The following SAFB variants were observed in gnomAD, a reference collection of about 807,000 sequenced individuals.
The protein encoded by SAFB is scaffold attachment factor B1.
Under a neutral mutation model 101.6 loss-of-function variants are expected in SAFB, and 15 were observed. The ratio of observed to expected loss-of-function variants is 0.15; its 90% confidence interval spans 0.10 to 0.23. The LOEUF (loss-of-function observed/expected upper bound fraction) is 0.23, where lower values mean the gene tolerates loss of function less well. SAFB is among the 10% of genes least tolerant of loss of function. The pLI is 1.00. For synonymous variants in SAFB, 449 were observed against 407.5 expected (o/e 1.10, Z -1.23); for missense variants, 930 against 1,104.1 (o/e 0.84, Z 2.23).
intron 4 of SAFB, among the ~76,000 whole-genome samples, chr19:5,643,256 G>A (rs1378434651): frequency 6.6e-6 from 1 of 151,722 alleles, no homozygotes; most frequent in Non-Finnish European, 1.5e-5. Context: ...TTGGCTCGTG[G>A]GGGGCCCTGT....
chr19:5,668,214 G>A lies in SAFB; in HGVS notation c.2677G>A (p.Gly893Ser), dbSNP rs1037164795. Residue 893 changes from glycine to serine, a missense_variant, in exon 21 of 21, where the codon GGT (glycine) becomes AGT (serine). Coordinates refer to ENST00000588852, the MANE Select transcript of SAFB (RefSeq NM_001201338.2). Reference protein sequence around the residue: ...GASRGHPIPHGGMQGGFGGQS... With the variant: ...GASRGHPIPHSGMQGGFGGQS... ...CTCCCGGGGCCACCCCATCCCACAC[G>A]GTGGCATGCAGGGCGGGTTTGGAGG... 5.6e-6 allele frequency: 9 copies of A among 1,608,372 alleles called. No homozygotes were observed. Among genetic ancestry groups the A allele is most frequent in the Admixed American group, 1.7e-5 (1 of 58,274 alleles).
chr19:5,631,851 G>T (rs1444959924), intron 2 of SAFB, among the ~76,000 whole-genome samples: 1 of 152,124 alleles, frequency 6.6e-6, no homozygotes, highest in African/African-American at 2.4e-5. Flanking sequence ...TTGGAGAGCA[G>T]CCTGGGTGAC....
chr19:5,624,687 ATTT>A (rs35651330), intron 1 of SAFB, among the ~76,000 whole-genome samples: 4 of 121,570 alleles, frequency 3.3e-5, no homozygotes, highest in Admixed American at 2.5e-4. Context: ...AGAAGTAGGG[ATTT>A]TTTTTTTTTT....
At position 5,640,106 on chromosome 19, in the gene SAFB, G is replaced by A. The variant is rs149697900; in HGVS notation, c.275-1488G>A. 6.0e-3 allele frequency among the ~76,000 whole-genome samples: 907 copies of A among 151,866 alleles called. 6 individuals carry two copies. Among genetic ancestry groups the A allele is most frequent in the African/African-American group, 0.021 (874 of 41,422 alleles). Reference sequence around the variant, plus strand: ...TGACCTCAGGTGATCCGCCTGCCTCGGCCTCCCAAGTGCTGGGATTACAGG... The same window carrying A: ...TGACCTCAGGTGATCCGCCTGCCTCAGCCTCCCAAGTGCTGGGATTACAGG... On this transcript the variant is annotated intron_variant, in intron 2 of 20. Transcript: ENST00000588852.
rs772056787 is a variant in SAFB, at chr19:5,668,213, C to T, written c.2676C>T (p.His892=). Residue 892 remains histidine (H), a synonymous_variant, in exon 21 of 21, where the codon CAC becomes CAT. Transcript: ENST00000588852. ...GGASRGHPIP[H]GGMQGGFGGQ... ...CCTCCCGGGGCCACCCCATCCCACACGGTGGCATGCAGGGCGGGTTTGGAG... is the reference window on the plus strand; with the variant it reads ...CCTCCCGGGGCCACCCCATCCCACATGGTGGCATGCAGGGCGGGTTTGGAG... 1.4e-5 allele frequency: 23 copies of T among 1,608,102 alleles called. No individual in the cohort carries two copies. The highest frequency in any genetic ancestry group is 3.4e-5 in the Admixed American group (2 of 58,140).
At chr19:5,626,243 G>A (rs764012240) in intron 1 of SAFB, among the ~76,000 whole-genome samples, 162 bp from the exon 2 acceptor site, 3 of 152,156 alleles carry the variant, frequency 2.0e-5, no homozygotes, top group Non-Finnish European at 2.9e-5. Flanking sequence ...CTCCAGTGTA[G>A]AGCGAGATAA....
intron 15 of SAFB, among the ~76,000 whole-genome samples, chr19:5,662,110 C>G (rs2054224458): frequency 1.3e-5 from 2 of 152,112 alleles, no homozygotes; most frequent in Non-Finnish European, 1.5e-5. Context: ...TGGTCTCTAT[C>G]TCCTGACCTC....
At chr19:5,630,521 C>T (rs745644346) in intron 2 of SAFB, among the ~76,000 whole-genome samples, 144 of 152,164 alleles carry the variant, frequency 9.5e-4, no homozygotes, top group Non-Finnish European at 1.4e-3. Flanking sequence ...CGTAATCCCA[C>T]GATGCAGGTG....
At chr19:5,635,184 A>G (rs2053570489) in intron 2 of SAFB, among the ~76,000 whole-genome samples, 3 of 152,208 alleles carry the variant, frequency 2.0e-5, no homozygotes, top group African/African-American at 4.8e-5. Flanking sequence ...TACATTGGCA[A>G]GGGTATTGGG....
chr19:5,656,286 A>T (rs1339800618), intron 13 of SAFB, among the ~76,000 whole-genome samples: 1 of 151,344 alleles, frequency 6.6e-6, no homozygotes, highest in African/African-American at 2.4e-5. Context: ...TGTTATTATT[A>T]TTTTTTAGAC....
Position 5,668,193 on chromosome 19 carries a change from C to G in SAFB, c.2656C>G (p.Arg886Gly), listed in dbSNP as rs749699724. 6.2e-7 allele frequency: 1 copy of G among 1,606,010 alleles called. No individual in the cohort carries two copies. Among genetic ancestry groups the G allele is most frequent in the East Asian group, 2.2e-5 (1 of 44,660 alleles). ...CAGCTTTGCCCCAGGCGGGGCCTCCCGGGGCCACCCCATCCCACACGGTGG... is the reference window on the plus strand; with the variant it reads ...CAGCTTTGCCCCAGGCGGGGCCTCCGGGGGCCACCCCATCCCACACGGTGG... ...RGSFAPGGAS[R>G]GHPIPHGGMQ... The change falls in exon 21 of 21, where the codon CGG (arginine) becomes GGG (glycine). Residue 886 changes from arginine to glycine, a missense_variant. By Grantham distance (125) the Arg-to-Gly change is moderately radical. Coordinates refer to ENST00000588852, the MANE Select transcript of SAFB (RefSeq NM_001201338.2).
chr19:5,633,025 T>G (rs1412888937), intron 2 of SAFB, among the ~76,000 whole-genome samples: 1 of 152,244 alleles, frequency 6.6e-6, no homozygotes, highest in African/African-American at 2.4e-5. Flanking sequence ...ACTGTCTTCC[T>G]TTTCACAGTT....
At chr19:5,635,563 A>C (rs1198747207) in intron 2 of SAFB, among the ~76,000 whole-genome samples, 1 of 152,098 alleles carries the variant, frequency 6.6e-6, no homozygotes. Flanking sequence ...AGTAAAGTTT[A>C]ATACGTATAT....
Position 5,623,397 on chromosome 19 carries a change from G to A in SAFB, c.189+3G>A. 6.2e-7 allele frequency: 1 copy of A among 1,611,672 alleles called. No homozygotes were observed. Among genetic ancestry groups the A allele is most frequent in the Non-Finnish European group, 8.5e-7 (1 of 1,177,940 alleles). On this transcript the variant is annotated splice_donor_region_variant and intron_variant, in intron 1 of 20. Coordinates refer to ENST00000588852, the MANE Select transcript of SAFB (RefSeq NM_001201338.2). Reference sequence around the variant, plus strand: ...TTTTGATGGAGCGGCTGAAGAAGGTGGATTTGGGGCCCCGAGGGCGGGCAC... The same window carrying A: ...TTTTGATGGAGCGGCTGAAGAAGGTAGATTTGGGGCCCCGAGGGCGGGCAC...
chr19:5,638,825 G>A (rs913328317), intron 2 of SAFB, among the ~76,000 whole-genome samples: 11 of 149,364 alleles, frequency 7.4e-5, no homozygotes, highest in South Asian at 2.1e-4. Context: ...GGGTTCAAGC[G>A]ATTCTCCTGC....
intron 2 of SAFB, among the ~76,000 whole-genome samples, chr19:5,641,384 C>T (rs1251071141): frequency 2.0e-5 from 3 of 151,870 alleles, no homozygotes; most frequent in Non-Finnish European, 4.4e-5. Flanking sequence ...TCTACTTCCA[C>T]AGCTCAGACA....
In SAFB at chr19:5,667,103, T is replaced by TG. The variant is rs747412640; in HGVS notation, c.2399dup (p.Tyr801LeufsTer4). The stretch of plus-strand genomic sequence containing the variant: ...CCACGGCCGGGACTCCCGCGATGGC[T>TG]GGGGGGGCTATGGCTCTGACAAGAG... On this transcript the variant is annotated frameshift_variant, in exon 18 of 21. Transcript: ENST00000588852. LOFTEE classifies it high-confidence loss of function. This position sits in a 1 kb window ranked among gnomAD's most constrained non-coding sequence, Gnocchi z 4.0. 6 of 1,612,222 alleles carry TG rather than the reference T, an allele frequency of 3.7e-6. No individual in the cohort carries two copies. The highest frequency in any genetic ancestry group is 1.7e-5 in the Admixed American group (1 of 59,952).
chr19:5,655,031 T>C (rs3120612), intron 13 of SAFB, among the ~76,000 whole-genome samples: 6 of 152,200 alleles, frequency 3.9e-5, no homozygotes, highest in Non-Finnish European at 8.8e-5. Context: ...ACCCTGAAAG[T>C]GTCAGCACCT....
chr19:5,664,416 A>G lies in SAFB; in HGVS notation c.2311A>G (p.Met771Val), dbSNP rs1209360665. 9 of 1,613,534 alleles carry G rather than the reference A, an allele frequency of 5.6e-6. No homozygotes were observed. Among genetic ancestry groups the G allele is most frequent in the African/African-American group, 1.3e-5 (1 of 74,918 alleles). The change falls in exon 17 of 21, where the codon ATG becomes GTG. Residue 771 changes from methionine to valine, a missense_variant. By Grantham distance (21) the Met-to-Val change is conservative. This residue lies in a region of SAFB where 318 missense variants were observed against 342.6 expected (regional missense o/e 0.93). Coordinates refer to ENST00000588852, the MANE Select transcript of SAFB (RefSeq NM_001201338.2). The part of the protein sequence containing the change: ...SVDRREGSRS[M>V]MGEREGQHYP... Reference sequence around the variant, plus strand: ...TTTCAGGAGAGAAGGTTCAAGGTCAATGATGGGAGAACGAGAAGGACAGGT... The same window carrying G: ...TTTCAGGAGAGAAGGTTCAAGGTCAGTGATGGGAGAACGAGAAGGACAGGT...
Sources: gnomAD v4.1 joint callset for allele counts (sites outside exome capture counted in the v4.1 genomes callset) on GRCh38, gnomAD v4.1.1 for gene constraint, gnomAD v4.1.1 regional missense constraint, Gnocchi (gnomAD v3.1) non-coding constraint, MANE v1.5 for transcripts, NCBI Gene and HGNC (gene_info 2026-07-23, HGNC 2026-07-21) for gene names.